The following GCNT1 variants were observed in gnomAD, a reference collection of about 807,000 sequenced individuals.
GCNT1 encodes beta-1,3-galactosyl-O-glycosyl-glycoprotein beta-1,6-N-acetylglucosaminyltransferase.
Under a neutral mutation model 26.2 loss-of-function variants are expected in GCNT1, and 16 were observed. The ratio of observed to expected loss-of-function variants is 0.61; its 90% CI spans 0.41 to 0.93. The LOEUF (loss-of-function observed/expected upper bound fraction) is 0.93, where lower values mean the gene tolerates loss of function less well. GCNT1 is among the 40% of genes least tolerant of loss of function. GCNT1 has a pLI of 0.00. For missense variants in GCNT1, 477 were observed against 526.7 expected, an observed-to-expected ratio of 0.91 and a Z score of 0.92; for synonymous variants, 183 against 190.8, an observed-to-expected ratio of 0.96 and a Z score of 0.34.
chr9:76,460,582 G>T (rs1388348314), intron 2 of GCNT1, among the ~76,000 whole-genome samples: 2 of 152,216 alleles, frequency 1.3e-5, no homozygotes, highest in Non-Finnish European at 2.9e-5. Flanking sequence ...GGAGGCTTTC[G>T]TAACAGATTT....
the GCNT1 span, among the ~76,000 whole-genome samples, chr9:76,408,187 G>T: frequency 3.3e-5 from 5 of 152,190 alleles, no homozygotes; most frequent in African/African-American, 1.2e-4. Flanking sequence ...AGTGGTAAGA[G>T]GGGAAATCTT....
the GCNT1 span, among the ~76,000 whole-genome samples, chr9:76,413,653 G>GTTTTTTTTTTTTTGTTT: frequency 1.9e-4 from 22 of 118,654 alleles, no homozygotes; most frequent in Non-Finnish European, 2.6e-4. Context: ...GTTTTGTTTT[G>GTTTTTTTTTTTTTGTTT]TTTTTTTTTT....
At chr9:76,500,096 C>A (rs1055683216) in intron 2 of GCNT1, among the ~76,000 whole-genome samples, 1 of 152,050 alleles carries the variant, frequency 6.6e-6, no homozygotes, top group South Asian at 2.1e-4. Flanking sequence ...GTTCCACCCC[C>A]CTGTATGTGG....
At chr9:76,468,937 T>A (rs1199720805) in intron 2 of GCNT1, among the ~76,000 whole-genome samples, 2 of 152,168 alleles carry the variant, frequency 1.3e-5, no homozygotes, top group Non-Finnish European at 2.9e-5. Context: ...GAAAAAAAAT[T>A]AAAAACTGGG....
At chr9:76,424,612 A>T in intron 1 of GCNT1, among the ~76,000 whole-genome samples, 1 of 152,202 alleles carries the variant, frequency 6.6e-6, no homozygotes, top group Non-Finnish European at 1.5e-5. Flanking sequence ...GATAGACAAG[A>T]CCTGGGCCTT....
chr9:76,444,110 A>G (rs890350851), intron 1 of GCNT1, among the ~76,000 whole-genome samples: 1 of 152,122 alleles, frequency 6.6e-6, no homozygotes, highest in Non-Finnish European at 1.5e-5. Context: ...GTCAATGAGT[A>G]AGTCCGGGAG....
intron 2 of GCNT1, among the ~76,000 whole-genome samples, chr9:76,476,650 A>T (rs988669161): frequency 6.6e-6 from 1 of 152,174 alleles, no homozygotes; most frequent in Admixed American, 6.5e-5. Context: ...CTCCTGCCTG[A>T]GAGGACAGGT....
At chr9:76,431,556 G>A (rs897372113) in intron 1 of GCNT1, among the ~76,000 whole-genome samples, 6 of 152,126 alleles carry the variant, frequency 3.9e-5, no homozygotes, top group African/African-American at 4.8e-5. Context: ...TCACCAACCC[G>A]GAAGTCCCAC....
rs978316350 is a variant in GCNT1, at chr9:76,504,919, T to TG, written c.*1251_*1252insG. ...AACTTTGGGTTTGGGACAGATTTTT[T>TG]TTTTTGTTTTTGGTATCATTCACAG... On this transcript the variant is annotated 3_prime_UTR_variant, in exon 4 of 4. Coordinates refer to ENST00000376730, the MANE Select transcript of GCNT1 (RefSeq NM_001490.5). 117 of 413,412 alleles carry TG rather than the reference T, an allele frequency of 2.8e-4. No homozygotes were observed. The highest frequency in any genetic ancestry group is 1.5e-3 in the Admixed American group (34 of 22,730). The allele number at this position is 413,412 out of a possible 1,614,324, so 25.6% of individuals were successfully genotyped here. A position where few individuals can be genotyped will look rare whatever the true frequency, so the allele number is the denominator to read the frequency against.
upstream of GCNT1, among the ~76,000 whole-genome samples, chr9:76,416,829 C>T (rs138700665): frequency 0.06 from 9,074 of 152,262 alleles, 279 homozygotes; most frequent in Middle Eastern, 0.11. Context: ...GAGGCTGAGG[C>T]GGGTGGATCA....
chr9:76,507,241 AAC>A lies in GCNT1; in HGVS notation c.*3574_*3575del. 6.0e-6 allele frequency: 1 copy of A among 167,140 alleles called. No homozygotes were observed. The allele number at this position is 167,140 out of a possible 1,614,324, so 10.4% of individuals were successfully genotyped here. A position where few individuals can be genotyped will look rare whatever the true frequency, so the allele number is the denominator to read the frequency against. ...CTTGTGCACTGTTGTAAAGCTGAAA[AAC>A]CGTTAAGCCTCTACGATTTTTAAGT... On this transcript the variant is annotated 3_prime_UTR_variant, in exon 4 of 4. Transcript: ENST00000376730.
At chr9:76,491,120 T>A (rs1481207647) in intron 2 of GCNT1, among the ~76,000 whole-genome samples, 2 of 149,804 alleles carry the variant, frequency 1.3e-5, no homozygotes, top group Non-Finnish European at 2.9e-5. Flanking sequence ...TGACTTCTTC[T>A]TTGTCTCTCT....
intron 2 of GCNT1, among the ~76,000 whole-genome samples, chr9:76,465,155 G>GTTTTTTTTT (rs374781585): frequency 6.9e-6 from 1 of 144,998 alleles, no homozygotes. Flanking sequence ...TCTGATTTGA[G>GTTTTTTTTT]TTTTTTTTTT....
chr9:76,467,897 GTTTTTTTTTTT>G (rs35387152), intron 2 of GCNT1, among the ~76,000 whole-genome samples: 7 of 59,094 alleles, frequency 1.2e-4, no homozygotes, highest in African/African-American at 5.1e-4. Flanking sequence ...CTCTTTCAGT[GTTTTTTTTTTT>G]TTTTTTTTTT....
rs1259136105 is a variant in GCNT1, at chr9:76,506,850, G to A, written c.*3182G>A. ...GTAGGAAGAGGCCATGTTTCAGTTC[G>A]TTTTCTCTGTAGGGTCGATTGAATT... On this transcript the variant is annotated 3_prime_UTR_variant, in exon 4 of 4. Coordinates refer to ENST00000376730, the MANE Select transcript of GCNT1 (RefSeq NM_001490.5). The A allele has an allele frequency of 1.2e-5, 2 of 166,860 alleles. No homozygotes were observed. Among genetic ancestry groups the A allele is most frequent in the Admixed American group, 6.6e-5 (1 of 15,258 alleles). 10.3% of individuals were successfully genotyped at this position (166,860 alleles called of 1,614,324 possible).
chr9:76,479,587 T>C (rs557958055), intron 2 of GCNT1, among the ~76,000 whole-genome samples: 38 of 152,260 alleles, frequency 2.5e-4, no homozygotes, highest in Non-Finnish European at 4.6e-4. Context: ...ATTGCAGTTT[T>C]GATTTGCATT....
Position 76,478,250 on chromosome 9 carries a change from C to T in GCNT1, c.-290+18073C>T, listed in dbSNP as rs117193428. On this transcript the variant is annotated intron_variant, in intron 2 of 3. Coordinates refer to ENST00000376730, the MANE Select transcript of GCNT1 (RefSeq NM_001490.5). ...TCTTGCTGTTGGTCACTCTTTGCGT[C>T]CGCACTACCTTTATGAGCTGAGAGG... 6.8e-3 allele frequency among the ~76,000 whole-genome samples: 1,029 copies of T among 152,312 alleles called. 8 individuals are homozygous for T. Among genetic ancestry groups the T allele is most frequent in the Non-Finnish European group, 0.012 (808 of 68,030 alleles).
chr9:76,469,014 A>C (rs894106760), intron 2 of GCNT1, among the ~76,000 whole-genome samples: 1 of 152,338 alleles, frequency 6.6e-6, no homozygotes, highest in East Asian at 1.9e-4. Context: ...TGTTAACTTT[A>C]TGGGGCACCT....
chr9:76,488,766 G>A (rs912535875), intron 2 of GCNT1, among the ~76,000 whole-genome samples: 2 of 152,290 alleles, frequency 1.3e-5, no homozygotes, highest in African/African-American at 4.8e-5. Context: ...TTACAGGCCT[G>A]AGCCACTGTG....
Sources: gnomAD v4.1 joint callset for allele counts (sites outside exome capture counted in the v4.1 genomes callset) on GRCh38, gnomAD v4.1.1 for gene constraint, MANE v1.5 for transcripts, NCBI Gene and HGNC (gene_info 2026-07-23, HGNC 2026-07-21) for gene names.